The following TMEM135 variants were observed in gnomAD, a reference collection of about 807,000 sequenced individuals.
TMEM135 encodes the protein peroxisomal membrane protein 52.
In TMEM135, 30 loss-of-function variants were observed where a neutral mutation model predicts 60.3. The ratio of observed to expected loss-of-function variants is 0.50; its 90% CI spans 0.37 to 0.68. The LOEUF is 0.68. Among genes scored for constraint, TMEM135 ranks in the 30% least tolerant of loss-of-function variants. The pLI is 0.00. For missense variants in TMEM135, 468 were observed against 548.8 expected, an observed-to-expected ratio of 0.85 and a Z score of 1.47; for synonymous variants, 190 against 186.7, an observed-to-expected ratio of 1.02 and a Z score of -0.14.
chr11:87,267,938 C>T (rs1591154556), intron 6 of TMEM135, among the ~76,000 whole-genome samples: 2 of 152,142 alleles, frequency 1.3e-5, no homozygotes, highest in Middle Eastern at 3.4e-3. Context: ...GCAATCAGCC[C>T]ACCTTGGCTT....
intron 5 of TMEM135, among the ~76,000 whole-genome samples, chr11:87,209,920 CTT>C (rs1348839866): frequency 6.6e-6 from 1 of 152,092 alleles, no homozygotes; most frequent in East Asian, 1.9e-4. Flanking sequence ...TCTTGAATGA[CTT>C]TTGGCTAAAG....
chr11:87,235,315 T>TATG (rs1940972599), intron 5 of TMEM135, among the ~76,000 whole-genome samples: 2 of 149,710 alleles, frequency 1.3e-5, no homozygotes, highest in Admixed American at 1.3e-4. Flanking sequence ...GGGAGGAGAG[T>TATG]ATGTGTGTTT....
intron 4 of TMEM135, among the ~76,000 whole-genome samples, chr11:87,103,663 T>A (rs965654065): frequency 6.6e-6 from 1 of 152,042 alleles, no homozygotes; most frequent in Non-Finnish European, 1.5e-5. Context: ...CTGTGGGTTG[T>A]CTCCTTTTTT....
At chr11:87,072,626 C>A (rs2512397) in intron 3 of TMEM135, among the ~76,000 whole-genome samples, 9 of 151,850 alleles carry the variant, frequency 5.9e-5, no homozygotes, top group African/African-American at 1.9e-4. Flanking sequence ...TGTGATCCGC[C>A]CGCCTTGGCC....
chr11:87,159,856 CTGTT>C (rs1938819968), intron 5 of TMEM135, among the ~76,000 whole-genome samples: 2 of 152,000 alleles, frequency 1.3e-5, no homozygotes, highest in South Asian at 4.2e-4. Flanking sequence ...GGTAGATAAT[CTGTT>C]TGAGAGTAGG....
chr11:87,268,334 TG>T (rs1392254818), intron 6 of TMEM135, among the ~76,000 whole-genome samples: 1 of 151,590 alleles, frequency 6.6e-6, no homozygotes, highest in African/African-American at 2.4e-5. Context: ...CAGGCTGATC[TG>T]GAACTCTTGG....
At chr11:87,064,531 T>A (rs1016947628) in intron 1 of TMEM135, among the ~76,000 whole-genome samples, 1 of 152,104 alleles carries the variant, frequency 6.6e-6, no homozygotes, top group Non-Finnish European at 1.5e-5. Context: ...ACTTACCCAC[T>A]CCCCCTTAAT....
At chr11:87,315,112 A>G (rs1942705330) in intron 12 of TMEM135, among the ~76,000 whole-genome samples, 1 of 151,586 alleles carries the variant, frequency 6.6e-6, no homozygotes, top group South Asian at 2.1e-4. Flanking sequence ...AGTTTATAAT[A>G]GTTACCCCCC....
chr11:87,041,557 C>T (rs780650589), intron 1 of TMEM135, among the ~76,000 whole-genome samples: 11 of 152,114 alleles, frequency 7.2e-5, no homozygotes, highest in Non-Finnish European at 1.3e-4. Flanking sequence ...ATTACCGAAT[C>T]GCATGGAGCC....
chr11:87,097,763 A>G (rs1257496662), intron 4 of TMEM135, among the ~76,000 whole-genome samples: 1 of 152,012 alleles, frequency 6.6e-6, no homozygotes, highest in African/African-American at 2.4e-5. Flanking sequence ...CTCTGTTTTG[A>G]GCTCTTATCG....
At chr11:87,083,577 C>A (rs568287119) in intron 3 of TMEM135, among the ~76,000 whole-genome samples, 4 of 152,250 alleles carry the variant, frequency 2.6e-5, no homozygotes, top group Admixed American at 2.6e-4. Flanking sequence ...AATGAATGAT[C>A]TATATAATAT....
chr11:87,172,276 C>A (rs766567302), intron 5 of TMEM135, among the ~76,000 whole-genome samples: 17 of 152,072 alleles, frequency 1.1e-4, no homozygotes, highest in Admixed American at 5.9e-4. Context: ...ATTCTTTCTT[C>A]TTTGAACTCA....
At chr11:87,200,123 ACT>A (rs1940061456) in intron 5 of TMEM135, among the ~76,000 whole-genome samples, 1 of 152,180 alleles carries the variant, frequency 6.6e-6, no homozygotes, top group African/African-American at 2.4e-5. Context: ...AGTAATTTTC[ACT>A]CAATAATTAT....
At chr11:87,071,665 C>T (rs2135142163) in intron 3 of TMEM135, 50 bp downstream of exon 3, 1 of 1,414,836 alleles carries the variant, frequency 7.1e-7, no homozygotes, top group East Asian at 2.4e-5. Flanking sequence ...GTCCCCTACC[C>T]CAACTATAAT....
intron 5 of TMEM135, among the ~76,000 whole-genome samples, chr11:87,202,721 A>T (rs948971303): frequency 7.0e-6 from 1 of 143,270 alleles, no homozygotes; most frequent in Non-Finnish European, 1.5e-5. Flanking sequence ...GAATTTTTTT[A>T]AAAGACTTTA....
chr11:87,079,067 A>T (rs922414327), intron 3 of TMEM135, among the ~76,000 whole-genome samples: 1 of 151,918 alleles, frequency 6.6e-6, no homozygotes, highest in African/African-American at 2.4e-5. Flanking sequence ...GTGCAGTGGC[A>T]TGATCTTTGC....
At chr11:87,157,456 G>C (rs753085845) in intron 5 of TMEM135, 50 bp downstream of exon 5, 6 of 1,467,004 alleles carry the variant, frequency 4.1e-6, no homozygotes, top group Non-Finnish European at 4.8e-6. Flanking sequence ...TATAGTTTGC[G>C]ATTTTAAAAT....
At chr11:87,057,891 A>G (rs990710536) in intron 1 of TMEM135, among the ~76,000 whole-genome samples, 7 of 152,074 alleles carry the variant, frequency 4.6e-5, no homozygotes, top group Non-Finnish European at 1.0e-4. Flanking sequence ...TGCAGTTGGC[A>G]TGCTGGAGAC....
At chr11:87,105,432 A>G (rs1471365271) in intron 4 of TMEM135, among the ~76,000 whole-genome samples, 4 of 152,086 alleles carry the variant, frequency 2.6e-5, no homozygotes, top group East Asian at 1.9e-4. Flanking sequence ...CCTGAAACCA[A>G]CTCCCACGGA....
Sources: allele counts gnomAD v4.1 joint callset (sites outside exome capture counted in the v4.1 genomes callset), GRCh38; gene constraint gnomAD v4.1.1; transcripts MANE v1.5; gene names NCBI Gene and HGNC (gene_info 2026-07-23, HGNC 2026-07-21).